COBL: variants seen among roughly 807,000 people sequenced by gnomAD.
COBL encodes the protein cordon-bleu WH2 repeat protein, also known as protein cordon-bleu.
In COBL, 51 loss-of-function variants were observed where a neutral mutation model predicts 98.8. The observed-to-expected ratio is 0.52, with a 90% CI of 0.41 to 0.65. COBL has a LOEUF of 0.65. Ranked by LOEUF, COBL falls within the 30% of genes least tolerant of loss-of-function variation. COBL has a pLI of 0.00. For missense variants in COBL, 1,617 were observed against 1,617.5 expected, an observed-to-expected ratio of 1.00 and a Z score of 0.01; for synonymous variants, 634 against 651.7, an observed-to-expected ratio of 0.97 and a Z score of 0.41.
At chr7:51,136,038 C>T in intron 6 of COBL, 120 bp downstream of exon 6, 4 of 1,277,498 alleles carry the variant, frequency 3.1e-6, no homozygotes, top group Non-Finnish European at 4.3e-6. Context: ...TACTTGCCCC[C>T]AACACTCCAG....
chr7:51,099,968 G>C (rs962675412), intron 6 of COBL, among the ~76,000 whole-genome samples: 15 of 152,162 alleles, frequency 9.9e-5, no homozygotes, highest in African/African-American at 3.1e-4. Flanking sequence ...TAGAAGCCCT[G>C]ACTCGACCTT....
At chr7:51,218,903 A>C (rs1029023882) in intron 2 of COBL, among the ~76,000 whole-genome samples, 1 of 152,216 alleles carries the variant, frequency 6.6e-6, no homozygotes, top group African/African-American at 2.4e-5. Context: ...ACTTCTCTTC[A>C]GTAAAACGTA....
At chr7:51,250,001 C>G (rs1796588891) in intron 1 of COBL, among the ~76,000 whole-genome samples, 1 of 152,018 alleles carries the variant, frequency 6.6e-6, no homozygotes, top group Non-Finnish European at 1.5e-5. Context: ...ACTCAGGAGG[C>G]TGAGGCAGGA....
chr7:51,045,822 C>A (rs1789635209), intron 7 of COBL, among the ~76,000 whole-genome samples: 1 of 152,190 alleles, frequency 6.6e-6, no homozygotes, highest in African/African-American at 2.4e-5. Flanking sequence ...AAGTTGAGAG[C>A]CTGTGGTCTA....
At chr7:51,097,395 A>G (rs1453104099) in intron 6 of COBL, among the ~76,000 whole-genome samples, 1 of 152,222 alleles carries the variant, frequency 6.6e-6, no homozygotes, top group Admixed American at 6.5e-5. Context: ...GGAAGAAGGA[A>G]AGAATACCTT....
intron 5 of COBL, among the ~76,000 whole-genome samples, chr7:51,140,645 G>A (rs963529280): frequency 1.3e-5 from 2 of 152,048 alleles, no homozygotes; most frequent in Non-Finnish European, 2.9e-5. Context: ...TCATTGTGAC[G>A]ACAAAACACT....
chr7:51,129,332 T>C (rs1278759959), intron 6 of COBL, among the ~76,000 whole-genome samples: 1 of 151,386 alleles, frequency 6.6e-6, no homozygotes, highest in Non-Finnish European at 1.5e-5. Context: ...GCGGGGGAGC[T>C]CTCTGGGCTC....
Position 51,085,051 on chromosome 7 carries a change from T to G in COBL, c.1096+115A>C, listed in dbSNP as rs570439204. 2.8e-6 allele frequency: 4 copies of G among 1,428,834 alleles called. No homozygotes were observed. The South Asian group carries it at 5.0e-5, about 18-fold the overall frequency. 88.5% of individuals were successfully genotyped at this position (1,428,834 alleles called of 1,614,324 possible). A position where few individuals can be genotyped will look rare whatever the true frequency, so the allele number is the denominator to read the frequency against. On this transcript the variant is annotated intron_variant, in intron 7 of 12. Transcript: ENST00000265136. The stretch of plus-strand genomic sequence containing the variant: ...AGCCCTTCTTTCTTTAGCATTAATA[T>G]TTTTTGGGTTAATGTCATTATGGAT...
At chr7:51,195,394 T>C (rs767965178) in intron 2 of COBL, among the ~76,000 whole-genome samples, 1 of 152,210 alleles carries the variant, frequency 6.6e-6, no homozygotes, top group Admixed American at 6.5e-5. Context: ...TTTGTATAAA[T>C]AGCATGCTGT....
chr7:51,067,683 T>C (rs1792083884), intron 7 of COBL, among the ~76,000 whole-genome samples: 19 of 152,256 alleles, frequency 1.2e-4, no homozygotes, highest in Admixed American at 1.2e-3. Flanking sequence ...CTTGACTCAC[T>C]TTCCCCTCTT....
intron 7 of COBL, among the ~76,000 whole-genome samples, chr7:51,053,717 C>T (rs1475123026): frequency 6.6e-6 from 1 of 152,236 alleles, no homozygotes; most frequent in Non-Finnish European, 1.5e-5. Context: ...GAGGTGCCTC[C>T]CCACCTGGCA....
intron 12 of COBL, among the ~76,000 whole-genome samples, chr7:51,024,025 C>T (rs1261562408): frequency 6.6e-6 from 1 of 152,166 alleles, no homozygotes; most frequent in Non-Finnish European, 1.5e-5. Flanking sequence ...AAAATAAAAT[C>T]TTTGCCGGGC....
At chr7:51,284,884 A>G (rs1800184439) in intron 1 of COBL, among the ~76,000 whole-genome samples, 1 of 151,908 alleles carries the variant, frequency 6.6e-6, no homozygotes, top group Non-Finnish European at 1.5e-5. Context: ...ACAAAGAAAG[A>G]CTGAATGTTT....
At chr7:51,152,294 A>G (rs1391905524) in intron 5 of COBL, among the ~76,000 whole-genome samples, 1 of 152,250 alleles carries the variant, frequency 6.6e-6, no homozygotes, top group Non-Finnish European at 1.5e-5. Flanking sequence ...TAAGTCAAAT[A>G]AAAATCAATT....
chr7:51,045,421 C>G (rs1039346938), intron 7 of COBL, among the ~76,000 whole-genome samples: 1 of 152,042 alleles, frequency 6.6e-6, no homozygotes, highest in Non-Finnish European at 1.5e-5. Flanking sequence ...GGGACAGACA[C>G]GTACGCAAAG....
At chr7:51,241,083 C>A (rs151335262) in intron 1 of COBL, among the ~76,000 whole-genome samples, 1,632 of 152,266 alleles carry the variant, frequency 0.011, 24 homozygotes, top group African/African-American at 0.037. Context: ...GACCTGGTAA[C>A]CCTGCTGGTG....
intron 8 of COBL, among the ~76,000 whole-genome samples, chr7:51,037,512 C>A (rs776079264): frequency 2.0e-5 from 3 of 152,216 alleles, no homozygotes; most frequent in South Asian, 2.1e-4. Context: ...AGATGCCTTT[C>A]GGAAGAGTCT....
intron 5 of COBL, among the ~76,000 whole-genome samples, chr7:51,183,738 AC>A (rs1202378834): frequency 6.6e-6 from 1 of 152,236 alleles, no homozygotes; most frequent in African/African-American, 2.4e-5. Context: ...CTTAACTATA[AC>A]ATCCATTCAC....
chr7:51,073,292 G>C (rs1047315551), intron 7 of COBL: 5 of 670,280 alleles, frequency 7.5e-6, no homozygotes, highest in African/African-American at 1.8e-5. Flanking sequence ...ATCAGAGCCA[G>C]GGCAGAAGAG....
Sources: gnomAD v4.1 joint callset for allele counts (sites outside exome capture counted in the v4.1 genomes callset) on GRCh38, gnomAD v4.1.1 for gene constraint, MANE v1.5 for transcripts, NCBI Gene and HGNC (gene_info 2026-07-23, HGNC 2026-07-21) for gene names.